Variants in KLC1 observed in about 807,000 individuals in gnomAD.
The protein encoded by KLC1 is kinesin light chain 1.
In KLC1, 30 loss-of-function variants were observed where a neutral mutation model predicts 84.2. The ratio of observed to expected loss-of-function variants is 0.36; its 90% CI spans 0.27 to 0.48. KLC1 has a LOEUF of 0.48. Among genes scored for constraint, KLC1 ranks in the 20% least tolerant of loss-of-function variants. KLC1 has a pLI of 0.99. For missense variants in KLC1, 499 were observed against 805.4 expected (o/e 0.62, Z 4.60); for synonymous variants, 289 against 293.3 (o/e 0.99, Z 0.15).
rs570232178 is a variant in KLC1 at position 103,657,153 on chromosome 14, GT to G, written c.262-392del. On this transcript the variant is annotated intron_variant, in intron 2 of 16. Transcript: ENST00000334553. ...GCAGCCCTTCACCAACATGCACTCT[GT>G]GCGCAGACATGCATGTGTGTACACG... Among the ~76,000 whole-genome samples the G allele has an allele frequency of 2.2e-3, 341 of 152,252 alleles. 1 individual carries two copies. The highest frequency in any genetic ancestry group is 4.6e-3 in the Admixed American group (70 of 15,284).
rs141429911 is a variant in KLC1 at position 103,659,174 on chromosome 14, C to T, written c.492+1398C>T. Among the ~76,000 whole-genome samples, 141 of 151,812 alleles carry T rather than the reference C, an allele frequency of 9.3e-4. 3 individuals are homozygous for T. In the East Asian group the frequency reaches 0.02, roughly 22 times the overall value. On this transcript the variant is annotated intron_variant, in intron 3 of 16. Transcript: ENST00000334553. ...TGTATTTTAAGTAGAGATGGGGTTT[C>T]ACCATGTTGGCCACTCCTGACCTCA...
Position 103,675,611 on chromosome 14 carries a change from T to C in KLC1, c.1311+10T>C. On this transcript the variant is annotated intron_variant, in intron 10 of 16. Transcript: ENST00000334553. ...AAGAGAAGAATGCAAAGTAAGAATT[T>C]ATTATTTTGAGATTTTCTAAATTGT... The C allele has an allele frequency of 2.5e-6, 4 of 1,611,424 alleles. No homozygotes were observed. The highest frequency in any genetic ancestry group is 3.4e-6 in the Non-Finnish European group (4 of 1,177,776).
intron 1 of KLC1, among the ~76,000 whole-genome samples, chr14:103,633,182 C>T (rs549171782): frequency 1.3e-5 from 2 of 151,894 alleles, no homozygotes; most frequent in Non-Finnish European, 2.9e-5. Context: ...CTCAGCCTCC[C>T]GAGTAGCTGG....
In KLC1 at chr14:103,687,413, G is replaced by C. The variant is rs557146129; in HGVS notation, c.1781+202G>C. Among the ~76,000 whole-genome samples the C allele has an allele frequency of 4.9e-4, 75 of 152,328 alleles. 1 individual carries two copies. In the South Asian group the frequency reaches 0.015, roughly 31 times the overall value. On this transcript the variant is annotated intron_variant, in intron 14 of 16. Transcript: ENST00000334553. ...GAAGTAATTGGGTAACTTCCTGTTA[G>C]TGGCTAAAGGGCGAATACCTTTAAA...
chr14:103,662,979 A>T, intron 5 of KLC1, 52 bp downstream of exon 5: 2 of 1,251,466 alleles, frequency 1.6e-6, no homozygotes, highest in Non-Finnish European at 2.2e-6. Context: ...AATGTTTTTA[A>T]CCATCTTGCC....
intron 7 of KLC1, among the ~76,000 whole-genome samples, 180 bp from the exon 8 acceptor site, chr14:103,672,834 A>C (rs2080530500): frequency 6.6e-6 from 1 of 152,214 alleles, no homozygotes; most frequent in Non-Finnish European, 1.5e-5. Context: ...ATGAATAAGA[A>C]TTTGAGAAAT....
intron 15 of KLC1, chr14:103,695,555 G>A (rs2082399403): frequency 1.3e-5 from 13 of 985,370 alleles, no homozygotes; most frequent in Non-Finnish European, 1.6e-5. Flanking sequence ...CTGTGAGGAT[G>A]CTGAGCAGAG....
chr14:103,639,408 G>C (rs372273251), intron 1 of KLC1, among the ~76,000 whole-genome samples: 1 of 152,152 alleles, frequency 6.6e-6, no homozygotes, highest in Non-Finnish European at 1.5e-5. Context: ...TGGGATTACA[G>C]GTGTGAGCCA....
chr14:103,629,538 C>T (rs2076501271), intron 1 of KLC1, 44 bp downstream of exon 1: 2 of 152,644 alleles, frequency 1.3e-5, no homozygotes, highest in Non-Finnish European at 2.9e-5. Flanking sequence ...CCCTCCTCAT[C>T]CTCCGCCCCG....
chr14:103,657,411 A>G (rs1162097707), intron 2 of KLC1, 135 bp from the exon 3 acceptor site: 3 of 636,610 alleles, frequency 4.7e-6, no homozygotes, highest in Non-Finnish European at 8.3e-6. Context: ...TAAATGGCAG[A>G]TTGTACTTAT....
chr14:103,630,299 CTT>C (rs1463274297), intron 1 of KLC1, among the ~76,000 whole-genome samples: 1 of 152,180 alleles, frequency 6.6e-6, no homozygotes. Flanking sequence ...GGTTTTATAA[CTT>C]AACATTTGTA....
chr14:103,629,608 C>G (rs1361375135), intron 1 of KLC1, 114 bp downstream of exon 1: 1 of 152,694 alleles, frequency 6.5e-6, no homozygotes, highest in African/African-American at 2.4e-5. Context: ...ATCCAGGCCT[C>G]CTTCCCGGTT....
Position 103,693,732 on chromosome 14 carries a change from A to G in KLC1, c.1848+1307A>G. The G allele has an allele frequency of 6.8e-7, 1 of 1,466,082 alleles. No individual in the cohort carries two copies. The highest frequency in any genetic ancestry group is 2.5e-5 in the East Asian group (1 of 39,220). The allele number at this position is 1,466,082 out of a possible 1,614,324, so 90.8% of individuals were successfully genotyped here. ...CGCACTCCTTGGCTTCCTTTCCTAGATAGTGACGTCCACCAACCTTGGAGG... is the reference window on the plus strand; with the variant it reads ...CGCACTCCTTGGCTTCCTTTCCTAGGTAGTGACGTCCACCAACCTTGGAGG... On this transcript the variant is annotated intron_variant, in intron 15 of 16. Coordinates refer to ENST00000334553, the MANE Select transcript of KLC1 (RefSeq NM_001394837.1). This position sits in a 1 kb window ranked among gnomAD's most constrained non-coding sequence, Gnocchi z 5.1.
chr14:103,651,658 C>G (rs1021232013), intron 1 of KLC1, among the ~76,000 whole-genome samples: 2 of 152,186 alleles, frequency 1.3e-5, no homozygotes, highest in Non-Finnish European at 2.9e-5. Context: ...TTCTTGTGCT[C>G]TCACTCCGTG....
chr14:103,642,247 A>G (rs751137298), intron 1 of KLC1, among the ~76,000 whole-genome samples: 1 of 152,012 alleles, frequency 6.6e-6, no homozygotes, highest in Non-Finnish European at 1.5e-5. Flanking sequence ...CCTTTTTTAA[A>G]GGCACTAATC....
chr14:103,641,846 A>G (rs1010378722), intron 1 of KLC1, among the ~76,000 whole-genome samples: 1 of 152,062 alleles, frequency 6.6e-6, no homozygotes, highest in Non-Finnish European at 1.5e-5. Flanking sequence ...GGTCTTGAAC[A>G]CCTGAGCTCA....
In KLC1 at chr14:103,700,454, G is replaced by A. The variant is rs2151917690; in HGVS notation, c.1849-201G>A. 3 of 490,534 alleles carry A rather than the reference G, an allele frequency of 6.1e-6. No individual in the cohort carries two copies. The East Asian group carries it at 1.1e-4, about 17-fold the overall frequency. 30.4% of individuals were successfully genotyped at this position (490,534 alleles called of 1,614,324 possible). On this transcript the variant is annotated intron_variant, in intron 15 of 16. Coordinates refer to ENST00000334553, the MANE Select transcript of KLC1 (RefSeq NM_001394837.1). ...GGTGATGGGGGAGGGTGACACAGCT[G>A]CTCCTGGCACCAAGCAGTGTAGTTC...
At chr14:103,699,519 C>T (rs2151910044) in intron 15 of KLC1, 2 of 1,613,404 alleles carry the variant, frequency 1.2e-6, no homozygotes, top group Non-Finnish European at 1.7e-6. Context: ...ACCAGGCGAG[C>T]CATGCCCCGA....
In KLC1 at chr14:103,666,769, TTTTC is replaced by T. The variant is rs199807782; in HGVS notation, c.798-2734_798-2731del. On this transcript the variant is annotated intron_variant, in intron 5 of 16. Coordinates refer to ENST00000334553, the MANE Select transcript of KLC1 (RefSeq NM_001394837.1). ...GTGAGCCACCGTGCCTGGCCATTTT[TTTTC>T]TTTCTTTTTTTTTTTTTTTTTGATA... 1.2e-4 allele frequency among the ~76,000 whole-genome samples: 15 copies of T among 126,518 alleles called. No homozygotes were observed. In the East Asian group the frequency reaches 3.1e-3, roughly 26 times the overall value. The allele number at this position is 126,518 out of a possible 152,430, so 83.0% of individuals were successfully genotyped here. A position where few individuals can be genotyped will look rare whatever the true frequency, so the allele number is the denominator to read the frequency against.
Sources: gnomAD v4.1 joint callset for allele counts (sites outside exome capture counted in the v4.1 genomes callset) on GRCh38, gnomAD v4.1.1 for gene constraint, Gnocchi (gnomAD v3.1) non-coding constraint, MANE v1.5 for transcripts, NCBI Gene and HGNC (gene_info 2026-07-23, HGNC 2026-07-21) for gene names.